BRIX1: variants seen among roughly 807,000 people sequenced by gnomAD.
The protein encoded by BRIX1 is biogenesis of ribosomes BRX1, also known as ribosome biogenesis protein BRX1 homolog.
In BRIX1, 15 loss-of-function variants were observed where a neutral mutation model predicts 44.0. The ratio of observed to expected loss-of-function variants is 0.34; its 90% CI spans 0.23 to 0.53. BRIX1 has a LOEUF of 0.53. Ranked by LOEUF, BRIX1 falls within the 20% of genes least tolerant of loss-of-function variation. The probability of loss-of-function intolerance (pLI) is 0.95; values close to 1 mark genes in which losing one functional copy is unlikely to be tolerated. For missense variants in BRIX1, 420 were observed against 432.8 expected (o/e 0.97, Z 0.26); for synonymous variants, 149 against 135.4 (o/e 1.10, Z -0.70).
chr5:34,917,477 CAA>C (rs551951963), intron 1 of BRIX1, among the ~76,000 whole-genome samples: 2 of 138,946 alleles, frequency 1.4e-5, no homozygotes, highest in African/African-American at 2.6e-5. Flanking sequence ...ACTAACACTA[CAA>C]AAAAAAAAAA....
intron 3 of BRIX1, chr5:34,921,337 A>G (rs190698656): frequency 6.7e-4 from 102 of 152,334 alleles, no homozygotes; most frequent in Admixed American, 2.3e-3. Context: ...TTTTCACCCA[A>G]TCCCTTAGTG....
chr5:34,919,578 T>C (rs1023867433), intron 2 of BRIX1, among the ~76,000 whole-genome samples: 11 of 152,166 alleles, frequency 7.2e-5, no homozygotes, highest in Non-Finnish European at 1.3e-4. Flanking sequence ...ATTCCTAGAA[T>C]ACCTAAATAT....
rs184595534 is a variant in BRIX1 at position 34,918,040 on chromosome 5, G to A, written c.160-324G>A. 12 of 175,898 alleles carry A rather than the reference G, an allele frequency of 6.8e-5. 1 individual carries two copies. The highest frequency in any genetic ancestry group is 2.3e-3 in the Middle Eastern group (1 of 442). The allele number at this position is 175,898 out of a possible 1,614,324, so 10.9% of individuals were successfully genotyped here. ...ATAAAAAACAAACAGGGCCAGGTGC[G>A]GTGGTTCTTACCTATAATCCCAGCG... is the stretch of plus-strand genomic sequence containing the variant. On this transcript the variant is annotated intron_variant, in intron 1 of 9. Coordinates refer to ENST00000336767, the MANE Select transcript of BRIX1 (RefSeq NM_018321.4).
At chr5:34,919,080 G>A (rs1322940665) in intron 2 of BRIX1, 2 of 147,646 alleles carry the variant, frequency 1.4e-5, no homozygotes, top group African/African-American at 5.0e-5. Flanking sequence ...GTGAAACCCT[G>A]TCTCTACAAA....
At chr5:34,922,877 T>G in intron 6 of BRIX1, 109 bp downstream of exon 6, 1 of 1,252,624 alleles carries the variant, frequency 8.0e-7, no homozygotes, top group Non-Finnish European at 1.2e-6. Context: ...CTTGGTTTTA[T>G]GGATTATCAA....
chr5:34,923,463 A>G, intron 8 of BRIX1: 2 of 506,938 alleles, frequency 3.9e-6, no homozygotes, highest in Non-Finnish European at 7.1e-6. Context: ...GTTTTAGTAG[A>G]GACGGGGTTT....
intron 1 of BRIX1, among the ~76,000 whole-genome samples, chr5:34,917,104 T>C (rs1250965142): frequency 6.6e-6 from 1 of 152,004 alleles, no homozygotes; most frequent in East Asian, 1.9e-4. Flanking sequence ...GTGTAGAATT[T>C]TGACATTCAA....
rs1561173686 is a variant in BRIX1, at chr5:34,925,206, T to C, written c.793-20T>C. The C allele has an allele frequency of 6.7e-7, 1 of 1,498,550 alleles. No homozygotes were observed. The allele number at this position is 1,498,550 out of a possible 1,614,324, so 92.8% of individuals were successfully genotyped here. On this transcript the variant is annotated intron_variant, in intron 9 of 9. Transcript: ENST00000336767. ...TTATTTTTATTTCAAAAGCATCTAA[T>C]CTTTTTTTTTTTTTTTTAGCATCGG...
chr5:34,922,896 G>A, intron 6 of BRIX1, 105 bp from the exon 7 acceptor site: 1 of 1,218,640 alleles, frequency 8.2e-7, no homozygotes, highest in Non-Finnish European at 1.2e-6. Flanking sequence ...AATTCTTTCA[G>A]GTACATTTAT....
At chr5:34,923,444 A>G (rs1369471938) in intron 8 of BRIX1, 2 of 555,028 alleles carry the variant, frequency 3.6e-6, no homozygotes, top group Non-Finnish European at 6.4e-6. Context: ...CGCCTGGCTA[A>G]TTTTTGTAGT....
rs963606944 is a variant in BRIX1 at position 34,918,577 on chromosome 5, G to A, written c.271+102G>A. 1.9e-5 allele frequency: 12 copies of A among 628,154 alleles called. 1 individual carries two copies. The highest frequency in any genetic ancestry group is 8.7e-4 in the Middle Eastern group (2 of 2,296). 38.9% of individuals were successfully genotyped at this position (628,154 alleles called of 1,614,324 possible). On this transcript the variant is annotated intron_variant, in intron 2 of 9. Coordinates refer to ENST00000336767, the MANE Select transcript of BRIX1 (RefSeq NM_018321.4). The stretch of plus-strand genomic sequence containing the variant: ...TTCTTCATTTGTTCAGTGTTCTCAC[G>A]AAAAAAACACAATGCCTTTTATCCT...
In BRIX1 at chr5:34,919,874, G is replaced by A. The variant is rs1185794150; in HGVS notation, c.306G>A (p.Val102=). The A allele has an allele frequency of 4.2e-6, 5 of 1,186,044 alleles. No homozygotes were observed. In the Admixed American group the frequency reaches 8.4e-5, roughly 20 times the overall value. The allele number at this position is 1,186,044 out of a possible 1,614,324, so 73.5% of individuals were successfully genotyped here. ...TKMDRKDKLF[V]INEVCEMKNC... Reference sequence around the variant, plus strand: ...TGGATCGTAAGGATAAGCTATTTGTGATTAACGAGGTAATTTTGGAAAGTA... The same window carrying A: ...TGGATCGTAAGGATAAGCTATTTGTAATTAACGAGGTAATTTTGGAAAGTA... Residue 102 remains valine, a synonymous_variant, in exon 3 of 10, where the codon GTG becomes GTA. Coordinates refer to ENST00000336767, the MANE Select transcript of BRIX1 (RefSeq NM_018321.4).
chr5:34,924,104 A>G (rs1470180824), intron 8 of BRIX1, among the ~76,000 whole-genome samples: 1 of 152,226 alleles, frequency 6.6e-6, no homozygotes, highest in Non-Finnish European at 1.5e-5. Context: ...ATTCAATGGC[A>G]GCGGTTAGAT....
chr5:34,922,098 G>C (rs1764251732), intron 3 of BRIX1, 119 bp from the exon 4 acceptor site: 1 of 535,156 alleles, frequency 1.9e-6, no homozygotes, highest in South Asian at 3.1e-5. Flanking sequence ...TTAGGCCTTT[G>C]TAGCCTATTA....
At chr5:34,922,194 T>G (rs774553594) in intron 3 of BRIX1, 23 bp from the exon 4 acceptor site, 2 of 1,357,646 alleles carry the variant, frequency 1.5e-6, no homozygotes, top group South Asian at 2.5e-5. Context: ...CTACTTCATT[T>G]TCCTATACTT....
chr5:34,923,072 C>A (rs1354426226), intron 7 of BRIX1, 21 bp downstream of exon 7: 1 of 1,567,002 alleles, frequency 6.4e-7, no homozygotes, highest in South Asian at 1.1e-5. Context: ...TTAAAATTAG[C>A]TATCCAAAAT....
rs1764310977 is a variant in BRIX1 at position 34,924,555 on chromosome 5, GT to G, written c.664-289del. 2.6e-5 allele frequency among the ~76,000 whole-genome samples: 4 copies of G among 152,236 alleles called. No individual in the cohort carries two copies. In the South Asian group the frequency reaches 8.3e-4, roughly 32 times the overall value. On this transcript the variant is annotated intron_variant, in intron 8 of 9. Coordinates refer to ENST00000336767, the MANE Select transcript of BRIX1 (RefSeq NM_018321.4). ...ATAGTGGTTACTGTTTTAAAATCCT[GT>G]TTAACCAGTTTTTCAAGGATATATG... is the stretch of plus-strand genomic sequence containing the variant.
chr5:34,915,972 A>T, intron 1 of BRIX1, 75 bp downstream of exon 1: 1 of 1,443,930 alleles, frequency 6.9e-7, no homozygotes, highest in Non-Finnish European at 9.1e-7. Flanking sequence ...TTACTTGACT[A>T]CAGCCTTGCT....
Position 34,925,467 on chromosome 5 carries a change from A to G in BRIX1, c.1034A>G (p.Gln345Arg). ...TACAAAAGGCAAAGAAAAATGAAACAGAGGATGGACAGTGGGAAAACAAAA... is the reference window on the plus strand; with the variant it reads ...TACAAAAGGCAAAGAAAAATGAAACGGAGGATGGACAGTGGGAAAACAAAA... The part of the protein sequence containing the change: ...RIYKRQRKMK[Q>R]RMDSGKTK Residue 345 changes from glutamine to arginine, a missense_variant, in exon 10 of 10, where the codon CAG becomes CGG. By Grantham distance (43) the Gln-to-Arg change is conservative. Transcript: ENST00000336767. The G allele has an allele frequency of 1.2e-6, 2 of 1,613,796 alleles. No homozygotes were observed. Among genetic ancestry groups the G allele is most frequent in the African/African-American group, 1.3e-5 (1 of 75,058 alleles).
Sources: allele counts gnomAD v4.1 joint callset (sites outside exome capture counted in the v4.1 genomes callset), GRCh38; gene constraint gnomAD v4.1.1; transcripts MANE v1.5; gene names NCBI Gene and HGNC (gene_info 2026-07-23, HGNC 2026-07-21).